ZFP2: variants seen among roughly 807,000 people sequenced by gnomAD.
ZFP2 encodes zinc finger protein ZFP2.
In ZFP2, 33 loss-of-function variants were observed where a neutral mutation model predicts 36.1. The ratio of observed to expected loss-of-function variants is 0.92; its 90% CI spans 0.69 to 1.22. The LOEUF (loss-of-function observed/expected upper bound fraction) is 1.22. Among genes scored for constraint, ZFP2 ranks in the 50% most tolerant of loss-of-function variants. The pLI is 0.00. For missense variants in ZFP2, 522 were observed against 551.4 expected, an observed-to-expected ratio of 0.95 and a Z score of 0.53; for synonymous variants, 170 against 178.0, an observed-to-expected ratio of 0.96 and a Z score of 0.36.
Position 178,932,033 on chromosome 5 carries a change from A to C in ZFP2, c.720A>C (p.Lys240Asn). 2 of 1,614,026 alleles carry C rather than the reference A, an allele frequency of 1.2e-6. No homozygotes were observed. Among genetic ancestry groups the C allele is most frequent in the South Asian group, 2.2e-5 (2 of 91,040 alleles). ...ATCAGAGAACTCATACAGGAGAAAA[A>C]CCCTATGAATGTAATGAATGTGGAA... ...TVHQRTHTGE[K>N]PYECNECGKA... is the part of the protein sequence containing the mutation. The change falls in exon 5 of 5, where the codon AAA (lysine) becomes AAC (asparagine). Residue 240 changes from lysine (K) to asparagine (N), a missense_variant. Coordinates refer to ENST00000361362, the MANE Select transcript of ZFP2 (RefSeq NM_030613.4).
At chr5:178,902,049 C>T (rs1428249887) in intron 1 of ZFP2, among the ~76,000 whole-genome samples, 5 of 152,250 alleles carry the variant, frequency 3.3e-5, no homozygotes, top group Admixed American at 6.5e-5. Flanking sequence ...GTGGGAGAAT[C>T]GTTGGAACCC....
At chr5:178,925,131 AC>A (rs1444172868) in intron 4 of ZFP2, among the ~76,000 whole-genome samples, 1 of 85,836 alleles carries the variant, frequency 1.2e-5, no homozygotes, top group Middle Eastern at 6.8e-3. Flanking sequence ...ATATATACAC[AC>A]ACACACACAC....
chr5:178,907,666 C>A (rs1286182123), intron 1 of ZFP2, among the ~76,000 whole-genome samples: 1 of 151,944 alleles, frequency 6.6e-6, no homozygotes. Context: ...CTGCATACCA[C>A]AGTTTTCCTT....
At chr5:178,920,399 G>A (rs1352852172) in intron 4 of ZFP2, among the ~76,000 whole-genome samples, 2 of 152,176 alleles carry the variant, frequency 1.3e-5, no homozygotes, top group Non-Finnish European at 2.9e-5. Context: ...AGCACTTTGA[G>A]AGGCCAAGGC....
In ZFP2 at chr5:178,933,062, C is replaced by A; in HGVS notation, c.*363C>A. On this transcript the variant is annotated 3_prime_UTR_variant, in exon 5 of 5. Transcript: ENST00000361362. ...CAGCCCAGAGACCTGGTATGTAGTC[C>A]TAATCTGCCACTGCCTTGGACAACT... The A allele has an allele frequency of 5.5e-6, 1 of 183,454 alleles. No individual in the cohort carries two copies. The highest frequency in any genetic ancestry group is 1.3e-5 in the Non-Finnish European group (1 of 78,396). The allele number at this position is 183,454 out of a possible 1,614,324, so 11.4% of individuals were successfully genotyped here. A position where few individuals can be genotyped will look rare whatever the true frequency, so the allele number is the denominator to read the frequency against.
At chr5:178,900,987 CATGATA>C (rs1758048236) in intron 1 of ZFP2, among the ~76,000 whole-genome samples, 1 of 152,228 alleles carries the variant, frequency 6.6e-6, no homozygotes, top group Non-Finnish European at 1.5e-5. Flanking sequence ...CAGGTCTTTA[CATGATA>C]TTGTGTGTAG....
intron 3 of ZFP2, among the ~76,000 whole-genome samples, chr5:178,915,311 G>A (rs1436355739): frequency 7.2e-6 from 1 of 139,602 alleles, no homozygotes; most frequent in African/African-American, 2.6e-5. Flanking sequence ...AGAACCTAAA[G>A]GTTTTTCTTT....
chr5:178,918,481 A>G (rs1466515559), intron 4 of ZFP2, among the ~76,000 whole-genome samples: 3 of 152,214 alleles, frequency 2.0e-5, no homozygotes, highest in African/African-American at 7.2e-5. Flanking sequence ...CCACACACCC[A>G]TACTGTGCAA....
chr5:178,927,589 C>T (rs530927594), intron 4 of ZFP2, among the ~76,000 whole-genome samples: 25 of 151,554 alleles, frequency 1.6e-4, no homozygotes, highest in African/African-American at 5.1e-4. Context: ...CTCCACCTCC[C>T]GGGTTCAAGT....
chr5:178,901,205 G>A (rs1321946808), intron 1 of ZFP2, among the ~76,000 whole-genome samples: 1 of 152,084 alleles, frequency 6.6e-6, no homozygotes, highest in Non-Finnish European at 1.5e-5. Flanking sequence ...GTGTACATTT[G>A]ACTTTGTAAC....
Position 178,931,792 on chromosome 5 carries a change from G to A in ZFP2, c.479G>A (p.Cys160Tyr), listed in dbSNP as rs1331600000. The change falls in exon 5 of 5, where the codon TGT (cysteine) becomes TAT (tyrosine). Residue 160 changes from cysteine to tyrosine, a missense_variant. Transcript: ENST00000361362. ...RIHTGEKPYK[C>Y]NECGKAFSQS... Reference sequence around the variant, plus strand: ...CATACTGGAGAGAAACCCTATAAATGTAATGAATGTGGGAAAGCCTTTAGT... The same window carrying A: ...CATACTGGAGAGAAACCCTATAAATATAATGAATGTGGGAAAGCCTTTAGT... The A allele has an allele frequency of 3.1e-6, 5 of 1,614,118 alleles. No homozygotes were observed. The highest frequency in any genetic ancestry group is 1.3e-5 in the African/African-American group (1 of 75,048).
rs147363323 is a variant in ZFP2 at position 178,912,309 on chromosome 5, T to G, written c.-449-275T>G. Among the ~76,000 whole-genome samples the G allele has an allele frequency of 5.0e-3, 762 of 152,196 alleles. 10 individuals are homozygous for G. Among genetic ancestry groups the G allele is most frequent in the African/African-American group, 0.017 (720 of 41,532 alleles). On this transcript the variant is annotated intron_variant, in intron 1 of 4. Transcript: ENST00000361362. ...CTTCACCAATGAGGTGAATAGGAGG[T>G]GATCACAACACCACTCCTTCCTCTC...
chr5:178,929,052 C>T (rs1300767355), intron 4 of ZFP2, among the ~76,000 whole-genome samples: 3 of 152,190 alleles, frequency 2.0e-5, no homozygotes, highest in Non-Finnish European at 2.9e-5. Flanking sequence ...CCCTTTCAGC[C>T]GTGGGTGGAT....
chr5:178,930,658 C>G (rs898707860), intron 4 of ZFP2, among the ~76,000 whole-genome samples: 2 of 152,098 alleles, frequency 1.3e-5, no homozygotes, highest in Non-Finnish European at 2.9e-5. Flanking sequence ...ATATCTGTGA[C>G]CCTCAGAGCC....
At chr5:178,916,744 A>G (rs866437005) in intron 4 of ZFP2, 34 bp downstream of exon 4, 3 of 984,964 alleles carry the variant, frequency 3.0e-6, no homozygotes, top group Middle Eastern at 5.2e-4. Flanking sequence ...GGTGGAAGAC[A>G]TTGGCTCTGA....
At chr5:178,896,203 C>T (rs1045082525) in intron 1 of ZFP2, among the ~76,000 whole-genome samples, 1 of 152,224 alleles carries the variant, frequency 6.6e-6, no homozygotes, top group African/African-American at 2.4e-5. Flanking sequence ...ACGCTGGCAG[C>T]TGAGTGTCCT....
At chr5:178,927,737 T>C (rs11948424) in intron 4 of ZFP2, among the ~76,000 whole-genome samples, 6,755 of 150,750 alleles carry the variant, frequency 0.045, 554 homozygotes, top group African/African-American at 0.16. Flanking sequence ...GGTTTTGCTA[T>C]GTTGGCCAGG....
Position 178,932,970 on chromosome 5 carries a change from C to T in ZFP2, c.*271C>T, listed in dbSNP as rs986836418. The T allele has an allele frequency of 6.9e-4, 230 of 333,776 alleles. 2 individuals are homozygous for T. Among genetic ancestry groups the T allele is most frequent in the Non-Finnish European group, 3.6e-4 (64 of 175,958 alleles). 20.7% of individuals were successfully genotyped at this position (333,776 alleles called of 1,614,324 possible). A position where few individuals can be genotyped will look rare whatever the true frequency, so the allele number is the denominator to read the frequency against. ...GAAGATAAGTTCTGTTATATCATAC[C>T]GCACATTCTCCTTTGGCTATCAGAG... On this transcript the variant is annotated 3_prime_UTR_variant, in exon 5 of 5. Coordinates refer to ENST00000361362, the MANE Select transcript of ZFP2 (RefSeq NM_030613.4).
intron 4 of ZFP2, among the ~76,000 whole-genome samples, chr5:178,927,805 G>A (rs1024624827): frequency 2.0e-5 from 3 of 151,592 alleles, no homozygotes; most frequent in Non-Finnish European, 4.4e-5. Context: ...CCAAAGCGCT[G>A]GGATTACAGC....
Sources: allele counts gnomAD v4.1 joint callset (sites outside exome capture counted in the v4.1 genomes callset), GRCh38; gene constraint gnomAD v4.1.1; transcripts MANE v1.5; gene names NCBI Gene and HGNC (gene_info 2026-07-23, HGNC 2026-07-21).